The following MPPE1 variants were observed in gnomAD, a reference collection of about 807,000 sequenced individuals.
MPPE1 encodes the protein metallophosphoesterase 1, also known as metallo phosphoesterase.
Under a neutral mutation model 43.8 loss-of-function variants are expected in MPPE1, and 28 were observed. The ratio of observed to expected loss-of-function variants is 0.64; its 90% CI spans 0.47 to 0.88. MPPE1 has a LOEUF of 0.88. Among genes scored for constraint, MPPE1 ranks in the 40% least tolerant of loss-of-function variants. The probability of loss-of-function intolerance (pLI) is 0.00; values close to 1 mark genes in which losing one functional copy is unlikely to be tolerated. For missense variants in MPPE1, 428 were observed against 492.2 expected (o/e 0.87, Z 1.23); for synonymous variants, 159 against 188.5 (o/e 0.84, Z 1.28).
chr18:11,889,818 C>A (rs907841706), intron 4 of MPPE1, among the ~76,000 whole-genome samples: 1 of 151,954 alleles, frequency 6.6e-6, no homozygotes, highest in African/African-American at 2.4e-5. Context: ...GTGATCCGCC[C>A]GCCTCAGCCT....
At chr18:11,907,921 C>A (rs2039879228) in intron 1 of MPPE1, 1 of 152,076 alleles carries the variant, frequency 6.6e-6, no homozygotes, top group South Asian at 2.1e-4. Flanking sequence ...AATTCACTAT[C>A]TTAAATATAT....
intron 1 of MPPE1, among the ~76,000 whole-genome samples, chr18:11,907,210 T>C (rs2039803922): frequency 6.6e-6 from 1 of 152,190 alleles, no homozygotes; most frequent in African/African-American, 2.4e-5. Context: ...AGCCTCTTAT[T>C]GTAACCCAAA....
intron 4 of MPPE1, among the ~76,000 whole-genome samples, chr18:11,892,740 T>C (rs1037184743): frequency 1.3e-5 from 2 of 152,126 alleles, no homozygotes; most frequent in Non-Finnish European, 2.9e-5. Context: ...GTGATGAAGT[T>C]TTTTATACTA....
chr18:11,885,567 G>C (rs2037090325), intron 10 of MPPE1, 109 bp downstream of exon 10: 3 of 1,348,062 alleles, frequency 2.2e-6, no homozygotes, highest in Admixed American at 4.0e-5. Flanking sequence ...AGAGAAATTT[G>C]TGTGTGGCTT....
intron 2 of MPPE1, among the ~76,000 whole-genome samples, chr18:11,900,001 C>T (rs373588130): frequency 1.3e-5 from 2 of 152,092 alleles, no homozygotes; most frequent in East Asian, 3.9e-4. Context: ...CACCTGACAT[C>T]AGGAGTTCGA....
chr18:11,886,755 T>A lies in MPPE1; in HGVS notation c.702A>T (p.Gly234=), dbSNP rs2037326279. ...CAGACGTGGGCAGCAGAGGCCCAGG[T>A]CCACACCGGCTGGAGCCACGTGCCT... The part of the protein sequence containing the change: ...SREARGSSRC[G]PGPLLPTSAP... The change falls in exon 8 of 11, where the codon GGA becomes GGT. Residue 234 remains glycine, a synonymous_variant. Coordinates refer to ENST00000588072, the MANE Select transcript of MPPE1 (RefSeq NM_023075.6). This position sits in a 1 kb window ranked among gnomAD's most constrained non-coding sequence, Gnocchi z 4.1. 6.2e-7 allele frequency: 1 copy of A among 1,613,090 alleles called. No homozygotes were observed. Among genetic ancestry groups the A allele is most frequent in the African/African-American group, 1.3e-5 (1 of 74,892 alleles).
rs778171024 is a variant in MPPE1, at chr18:11,886,629, G to C, written c.745-8C>G. 45 of 1,614,048 alleles carry C rather than the reference G, an allele frequency of 2.8e-5. 1 individual carries two copies. In the South Asian group the frequency reaches 4.5e-4, roughly 16 times the overall value. ...CCGATACAGAGGATAATGCTGTCCG[G>C]GGTGGAGAGAGGAGTTCAGGCGGCT... On this transcript the variant is annotated splice_polypyrimidine_tract_variant and splice_region_variant and intron_variant, in intron 8 of 10. Coordinates refer to ENST00000588072, the MANE Select transcript of MPPE1 (RefSeq NM_023075.6). This position sits in a 1 kb window ranked among gnomAD's most constrained non-coding sequence, Gnocchi z 4.1.
At position 11,884,864 on chromosome 18, in the gene MPPE1, G is replaced by A; in HGVS notation, c.1009-237C>T. 7 of 1,356,610 alleles carry A rather than the reference G, an allele frequency of 5.2e-6. No homozygotes were observed. In the South Asian group the frequency reaches 7.6e-5, roughly 15 times the overall value. 84.0% of individuals were successfully genotyped at this position (1,356,610 alleles called of 1,614,324 possible). On this transcript the variant is annotated intron_variant, in intron 10 of 10. Coordinates refer to ENST00000588072, the MANE Select transcript of MPPE1 (RefSeq NM_023075.6). ...GCCCAAGTGTGCCTGAGTGGAAAAT[G>A]TCTGGGACACTGACCTGTCAAAACT...
Position 11,886,865 on chromosome 18 carries a change from A to G in MPPE1, c.678+52T>C. ...GCTAGGGGGCTGAGTGAGCAACCGA[A>G]GCGGAGCAACACGGGACAGAAGGCA... On this transcript the variant is annotated intron_variant, in intron 7 of 10. Coordinates refer to ENST00000588072, the MANE Select transcript of MPPE1 (RefSeq NM_023075.6). This position sits in a 1 kb window ranked among gnomAD's most constrained non-coding sequence, Gnocchi z 4.1. 1.3e-6 allele frequency: 2 copies of G among 1,596,084 alleles called. No individual in the cohort carries two copies. The highest frequency in any genetic ancestry group is 1.7e-6 in the Non-Finnish European group (2 of 1,167,278).
intron 1 of MPPE1, among the ~76,000 whole-genome samples, chr18:11,907,203 C>A (rs2143535780): frequency 6.6e-6 from 1 of 152,306 alleles, no homozygotes; most frequent in Middle Eastern, 3.4e-3. Context: ...TCTCCACAGC[C>A]TCTTATTGTA....
rs555125421 is a variant in MPPE1, at chr18:11,882,980, T to C, written c.*1465A>G. On this transcript the variant is annotated 3_prime_UTR_variant, in exon 11 of 11. Coordinates refer to ENST00000588072, the MANE Select transcript of MPPE1 (RefSeq NM_023075.6). ...TTTGTAGGTCTAAAATAATAATCTA[T>C]AAAGATGTCCAAAGTTAAATTTTCA... is the stretch of plus-strand genomic sequence containing the variant. 37 of 151,984 alleles carry C rather than the reference T, an allele frequency of 2.4e-4. No individual in the cohort carries two copies. The highest frequency in any genetic ancestry group is 5.2e-4 in the Non-Finnish European group (35 of 67,938). The allele number at this position is 151,984 out of a possible 1,614,324, so 9.4% of individuals were successfully genotyped here. A position where few individuals can be genotyped will look rare whatever the true frequency, so the allele number is the denominator to read the frequency against.
intron 2 of MPPE1, among the ~76,000 whole-genome samples, chr18:11,903,078 G>T (rs985737001): frequency 6.6e-6 from 1 of 152,132 alleles, no homozygotes; most frequent in African/African-American, 2.4e-5. Context: ...AGGCATGAGC[G>T]GGGCAGGTGA....
At chr18:11,887,731 T>G (rs1233153114) in intron 6 of MPPE1, among the ~76,000 whole-genome samples, 3 of 152,196 alleles carry the variant, frequency 2.0e-5, no homozygotes, top group African/African-American at 7.2e-5. Flanking sequence ...GAAATTTAAC[T>G]CGTTTTAGAG....
intron 4 of MPPE1, 162 bp downstream of exon 4, chr18:11,893,305 GA>G: frequency 1.7e-6 from 1 of 577,886 alleles, no homozygotes; most frequent in Non-Finnish European, 3.1e-6. Flanking sequence ...GATAGCCTAT[GA>G]ATTCTAATCA....
chr18:11,903,004 A>AAACC (rs796235615), intron 2 of MPPE1: 32 of 152,248 alleles, frequency 2.1e-4, no homozygotes, highest in African/African-American at 7.2e-4. Flanking sequence ...TACTGCAAAC[A>AAACC]AACCGGGTTA....
chr18:11,885,885 C>T, intron 9 of MPPE1, 69 bp from the exon 10 acceptor site: 3 of 1,445,172 alleles, frequency 2.1e-6, no homozygotes, highest in Middle Eastern at 1.8e-4. Context: ...CACCGCTCAG[C>T]AGACGGCCGC....
Position 11,884,188 on chromosome 18 carries a change from C to T in MPPE1, c.*257G>A. The T allele has an allele frequency of 2.2e-6, 1 of 448,246 alleles. No individual in the cohort carries two copies. Among genetic ancestry groups the T allele is most frequent in the Non-Finnish European group, 4.1e-6 (1 of 244,508 alleles). 27.8% of individuals were successfully genotyped at this position (448,246 alleles called of 1,614,324 possible). A position where few individuals can be genotyped will look rare whatever the true frequency, so the allele number is the denominator to read the frequency against. ...ACATTAATAGCATTTACATACTGTA[C>T]AGATGCAACCTTTGATGATACATAT... On this transcript the variant is annotated 3_prime_UTR_variant, in exon 11 of 11. Coordinates refer to ENST00000588072, the MANE Select transcript of MPPE1 (RefSeq NM_023075.6).
At position 11,884,593 on chromosome 18, in the gene MPPE1, T is replaced by C; in HGVS notation, c.1043A>G (p.Lys348Arg). The change falls in exon 11 of 11, where the codon AAG becomes AGG. Residue 348 changes from lysine (K) to arginine (R), a missense_variant. Coordinates refer to ENST00000588072, the MANE Select transcript of MPPE1 (RefSeq NM_023075.6). ...SITPTDYTLS[K>R]CYLPREDVVL... ...CACATCCTCACGTGGGAGGTAGCAC[T>C]TGGAGAGGGTGTAGTCTGTGGGCGT... The C allele has an allele frequency of 6.2e-7, 1 of 1,613,812 alleles. No homozygotes were observed. The highest frequency in any genetic ancestry group is 8.5e-7 in the Non-Finnish European group (1 of 1,180,004).
At chr18:11,900,708 C>A (rs549415787) in intron 2 of MPPE1, among the ~76,000 whole-genome samples, 36 of 151,776 alleles carry the variant, frequency 2.4e-4, no homozygotes, top group Admixed American at 1.4e-3. Flanking sequence ...GAGATCGAGA[C>A]CATCCTGGCT....
Sources: gnomAD v4.1 joint callset for allele counts (sites outside exome capture counted in the v4.1 genomes callset) on GRCh38, gnomAD v4.1.1 for gene constraint, Gnocchi (gnomAD v3.1) non-coding constraint, MANE v1.5 for transcripts, NCBI Gene and HGNC (gene_info 2026-07-23, HGNC 2026-07-21) for gene names.